NFATC1: variants seen among roughly 807,000 people sequenced by gnomAD.
NFATC1 encodes the protein nuclear factor of activated T-cells, cytoplasmic 1.
A neutral mutation model predicts 76.0 loss-of-function variants in NFATC1; 22 were observed. That is an observed-to-expected ratio of 0.29 (90% CI 0.21 to 0.41). The LOEUF is 0.41. Ranked by LOEUF, NFATC1 falls within the 10% of genes least tolerant of loss-of-function variation. The probability of loss-of-function intolerance (pLI) is 1.00; values close to 1 mark genes in which losing one functional copy is unlikely to be tolerated. For synonymous variants in NFATC1, 704 were observed against 613.1 expected (o/e 1.15, Z -2.19); for missense variants, 1,357 against 1,337.7 (o/e 1.01, Z -0.23).
rs1351919111 is a variant in NFATC1, at chr18:79,406,255, CTT to C, written c.128-4145_128-4144del. Reference sequence around the variant, plus strand: ...ATCAGCTGTCTTGGAAATAAATACTCTTTTGATTGGGAAACAGGAAGTGTAGG... The same window carrying C: ...ATCAGCTGTCTTGGAAATAAATACTCTTGATTGGGAAACAGGAAGTGTAGG... On this transcript the variant is annotated intron_variant, in intron 1 of 9. Coordinates refer to ENST00000427363, the MANE Select transcript of NFATC1 (RefSeq NM_001278669.2). Among the ~76,000 whole-genome samples the C allele has an allele frequency of 2.6e-5, 4 of 152,362 alleles. No homozygotes were observed. In the East Asian group the frequency reaches 5.8e-4, roughly 22 times the overall value.
chr18:79,518,598 A>G (rs1012358129), intron 9 of NFATC1, among the ~76,000 whole-genome samples: 1 of 152,208 alleles, frequency 6.6e-6, no homozygotes, highest in Non-Finnish European at 1.5e-5. Context: ...ACAGACTTGG[A>G]AAAATCTGAG....
At chr18:79,406,696 C>T (rs897682597) in intron 1 of NFATC1, among the ~76,000 whole-genome samples, 7 of 152,178 alleles carry the variant, frequency 4.6e-5, no homozygotes, top group African/African-American at 1.4e-4. Flanking sequence ...GAGTAATGAA[C>T]AGGTGGCTCG....
At chr18:79,503,817 T>C (rs1415843985) in intron 9 of NFATC1, among the ~76,000 whole-genome samples, 1 of 152,226 alleles carries the variant, frequency 6.6e-6, no homozygotes, top group African/African-American at 2.4e-5. Flanking sequence ...CCTTCACCAA[T>C]GGTCTCAGCC....
chr18:79,439,732 C>G (rs550474591), intron 3 of NFATC1, among the ~76,000 whole-genome samples: 37 of 152,286 alleles, frequency 2.4e-4, no homozygotes, highest in African/African-American at 8.7e-4. Flanking sequence ...CCCGAGCCTT[C>G]CCCGTGTCAG....
intron 7 of NFATC1, among the ~76,000 whole-genome samples, chr18:79,466,591 A>G (rs1448647308): frequency 6.6e-6 from 1 of 152,218 alleles, no homozygotes; most frequent in Admixed American, 6.5e-5. Context: ...TTTCGTAAAC[A>G]TGCTGCTGGC....
chr18:79,446,830 G>A (rs2087225587), intron 3 of NFATC1, among the ~76,000 whole-genome samples: 1 of 152,216 alleles, frequency 6.6e-6, no homozygotes, highest in Non-Finnish European at 1.5e-5. Flanking sequence ...GCGCACATGG[G>A]GGCTGTGTCC....
At chr18:79,466,183 C>G (rs1420960546) in intron 7 of NFATC1, among the ~76,000 whole-genome samples, 1 of 152,170 alleles carries the variant, frequency 6.6e-6, no homozygotes, top group Non-Finnish European at 1.5e-5. Context: ...CTCAAGTTGT[C>G]TTCAGTTTTC....
intron 8 of NFATC1, chr18:79,467,792 G>A (rs566388547): frequency 1.1e-5 from 2 of 186,646 alleles, no homozygotes; most frequent in Non-Finnish European, 1.6e-5. Context: ...TGTTGGGGGT[G>A]GGGGGCGGGG....
intron 2 of NFATC1, among the ~76,000 whole-genome samples, chr18:79,415,476 G>C (rs2085846672): frequency 6.6e-6 from 1 of 151,408 alleles, no homozygotes; most frequent in Non-Finnish European, 1.5e-5. Flanking sequence ...TAGAGATGGG[G>C]TTTCACCATG....
In NFATC1 at chr18:79,506,354, C is replaced by T. The variant is rs76855340; in HGVS notation, c.2782+19417C>T. ...CCAGCAAAGACACTGGGACTGTGCGCCTTGTCCCCCCATCTTCCCACCTCC... is the reference window on the plus strand; with the variant it reads ...CCAGCAAAGACACTGGGACTGTGCGTCTTGTCCCCCCATCTTCCCACCTCC... On this transcript the variant is annotated intron_variant, in intron 9 of 9. Coordinates refer to ENST00000427363, the MANE Select transcript of NFATC1 (RefSeq NM_001278669.2). 7.2e-5 allele frequency among the ~76,000 whole-genome samples: 11 copies of T among 152,286 alleles called. No homozygotes were observed. In the East Asian group the frequency reaches 2.1e-3, roughly 29 times the overall value.
intron 7 of NFATC1, among the ~76,000 whole-genome samples, chr18:79,466,591 A>C (rs1448647308): frequency 6.6e-6 from 1 of 152,218 alleles, no homozygotes; most frequent in African/African-American, 2.4e-5. Flanking sequence ...TTTCGTAAAC[A>C]TGCTGCTGGC....
At chr18:79,413,374 CAG>C (rs1205795644) in intron 2 of NFATC1, among the ~76,000 whole-genome samples, 2 of 152,208 alleles carry the variant, frequency 1.3e-5, no homozygotes, top group African/African-American at 2.4e-5. Context: ...AAGCCGAGAT[CAG>C]GGGCTGTTCT....
chr18:79,448,534 G>C, intron 3 of NFATC1: 2 of 545,320 alleles, frequency 3.7e-6, no homozygotes, highest in South Asian at 2.3e-5. Flanking sequence ...GGCACACACA[G>C]CAAGTGTGGA....
chr18:79,396,043 T>C lies in NFATC1; in HGVS notation c.-182T>C. ...GCAGGGCTCGGAGCCACCGCGCAGG[T>C]CCTAGGGCCGCGGCCGGGCCCCGCC... On this transcript the variant is annotated 5_prime_UTR_variant, in exon 1 of 10. Coordinates refer to ENST00000427363, the MANE Select transcript of NFATC1 (RefSeq NM_001278669.2). 2 of 650,770 alleles carry C rather than the reference T, an allele frequency of 3.1e-6. No homozygotes were observed. The highest frequency in any genetic ancestry group is 2.0e-5 in the African/African-American group (1 of 50,982). The allele number at this position is 650,770 out of a possible 1,614,324, so 40.3% of individuals were successfully genotyped here. A position where few individuals can be genotyped will look rare whatever the true frequency, so the allele number is the denominator to read the frequency against.
chr18:79,408,839 T>TCATC, intron 1 of NFATC1, among the ~76,000 whole-genome samples: 1 of 151,676 alleles, frequency 6.6e-6, no homozygotes, highest in East Asian at 1.9e-4. Context: ...CATCCATCCA[T>TCATC]CATCCATCCA....
Position 79,433,675 on chromosome 18 carries a change from C to G in NFATC1, c.1323C>G (p.His441Gln). Residue 441 changes from histidine (H) to glutamine (Q), a missense_variant, in exon 3 of 10, where the codon CAC (histidine) becomes CAG (glutamine). By Grantham distance (24) the His-to-Gln change is conservative (BLOSUM62 0). This residue lies in a region of NFATC1 where 242 missense variants were observed against 329.2 expected (regional missense o/e 0.74). Coordinates refer to ENST00000427363, the MANE Select transcript of NFATC1 (RefSeq NM_001278669.2). Reference sequence around the variant, plus strand: ...AGCCCAAGTCCCACCACCGAGCCCACTACGAGACGGAGGGCAGCCGGGGGG... The same window carrying G: ...AGCCCAAGTCCCACCACCGAGCCCAGTACGAGACGGAGGGCAGCCGGGGGG... ...EVQPKSHHRA[H>Q]YETEGSRGAV... 1 of 1,611,768 alleles carries G rather than the reference C, an allele frequency of 6.2e-7. No homozygotes were observed. The highest frequency in any genetic ancestry group is 2.2e-5 in the East Asian group (1 of 44,768).
At chr18:79,490,959 C>CT (rs1394319738) in intron 9 of NFATC1, among the ~76,000 whole-genome samples, 4 of 152,146 alleles carry the variant, frequency 2.6e-5, no homozygotes, top group Middle Eastern at 3.4e-3. Flanking sequence ...AGGTGGAACT[C>CT]TGAGTCCCCG....
chr18:79,528,174 T>G lies in NFATC1; in HGVS notation c.*597T>G, dbSNP rs1409285261. On this transcript the variant is annotated 3_prime_UTR_variant, in exon 10 of 10. Transcript: ENST00000427363. The stretch of plus-strand genomic sequence containing the variant: ...CACAGTGCATTTTAGAATCTTCCAG[T>G]CTGTCATCTCAGCTCTTTTGTAACA... 8 of 378,904 alleles carry G rather than the reference T, an allele frequency of 2.1e-5. No homozygotes were observed. In the East Asian group the frequency reaches 2.6e-4, roughly 13 times the overall value. The allele number at this position is 378,904 out of a possible 1,614,324, so 23.5% of individuals were successfully genotyped here. A position where few individuals can be genotyped will look rare whatever the true frequency, so the allele number is the denominator to read the frequency against.
intron 9 of NFATC1, among the ~76,000 whole-genome samples, chr18:79,511,714 A>G (rs2090258492): frequency 6.6e-6 from 1 of 152,014 alleles, no homozygotes; most frequent in South Asian, 2.1e-4. Flanking sequence ...TGGCTGCAGC[A>G]TGGGGAGCTG....
Sources: allele counts gnomAD v4.1 joint callset (sites outside exome capture counted in the v4.1 genomes callset), GRCh38; gene constraint gnomAD v4.1.1; regional missense constraint gnomAD v4.1.1; transcripts MANE v1.5; gene names NCBI Gene and HGNC (gene_info 2026-07-23, HGNC 2026-07-21).